SPEG: variants seen among roughly 807,000 people sequenced by gnomAD.
SPEG encodes the protein striated muscle preferentially expressed protein kinase.
SPEG carries 114 observed loss-of-function variants against 300.4 expected under a neutral mutation model. The ratio of observed to expected loss-of-function variants is 0.38; its 90% CI spans 0.33 to 0.44. The LOEUF (loss-of-function observed/expected upper bound fraction) is 0.44. Ranked by LOEUF, SPEG falls within the 20% of genes least tolerant of loss-of-function variation. The probability of loss-of-function intolerance (pLI) is 1.00; values close to 1 mark genes in which losing one functional copy is unlikely to be tolerated. For missense variants in SPEG, 4,201 were observed against 4,586.2 expected (o/e 0.92, Z 2.43); for synonymous variants, 1,964 against 2,018.9 (o/e 0.97, Z 0.73).
In SPEG at chr2:219,478,165, C is replaced by T. The variant is rs545177848; in HGVS notation, c.5027+60C>T. Reference sequence around the variant, plus strand: ...ATGCCTAAATGACTGGTCCTTGTAACATCCAATAGGCAACATGTTTTACAG... The same window carrying T: ...ATGCCTAAATGACTGGTCCTTGTAATATCCAATAGGCAACATGTTTTACAG... On this transcript the variant is annotated intron_variant, in intron 22 of 40. Transcript: ENST00000312358. 1,328 of 1,414,870 alleles carry T rather than the reference C, an allele frequency of 9.4e-4. 4 individuals carry two copies. The highest frequency in any genetic ancestry group is 1.2e-3 in the Non-Finnish European group (1,229 of 1,010,352). The allele number at this position is 1,414,870 out of a possible 1,614,324, so 87.6% of individuals were successfully genotyped here.
At position 219,477,274 on chromosome 2, in the gene SPEG, C is replaced by T; in HGVS notation, c.4561-3C>T. 6.2e-7 allele frequency: 1 copy of T among 1,607,776 alleles called. No homozygotes were observed. The highest frequency in any genetic ancestry group is 8.5e-7 in the Non-Finnish European group (1 of 1,178,224). ...AGGCTGAAGGTGAGACCCCACTCTGCAGGACGAGGTGCTGCTGACCGAGAG... is the reference window on the plus strand; with the variant it reads ...AGGCTGAAGGTGAGACCCCACTCTGTAGGACGAGGTGCTGCTGACCGAGAG... On this transcript the variant is annotated splice_polypyrimidine_tract_variant and splice_region_variant and intron_variant, in intron 19 of 40. Transcript: ENST00000312358. The surrounding 1 kb of genome is among the most constrained non-coding windows in gnomAD (Gnocchi z 6.4).
chr2:219,476,237 T>C (rs1462225779), intron 18 of SPEG, among the ~76,000 whole-genome samples: 1 of 13,322 alleles, frequency 7.5e-5, no homozygotes, highest in Admixed American at 9.3e-4. Flanking sequence ...TATTTGGGGG[T>C]TGTTTGTTCA....
chr2:219,441,333 A>G (rs2125216267), intron 1 of SPEG, among the ~76,000 whole-genome samples: 1 of 152,258 alleles, frequency 6.6e-6, no homozygotes, highest in East Asian at 1.9e-4. Flanking sequence ...GGGGCCGCGC[A>G]TGGGACAATC....
rs1331454128 is a variant in SPEG at position 219,487,406 on chromosome 2, G to A, written c.7742-788G>A. Among the ~76,000 whole-genome samples, 3 of 152,338 alleles carry A rather than the reference G, an allele frequency of 2.0e-5. No individual in the cohort carries two copies. The East Asian group carries it at 5.8e-4, about 29-fold the overall frequency. On this transcript the variant is annotated intron_variant, in intron 31 of 40. Transcript: ENST00000312358. ...CAAGAGAAGTTAGTATTTATGATCAGTTACTCTATGGCAGACACTTTACAT... is the reference window on the plus strand; with the variant it reads ...CAAGAGAAGTTAGTATTTATGATCAATTACTCTATGGCAGACACTTTACAT...
chr2:219,451,167 A>G lies in SPEG; in HGVS notation c.2145A>G (p.Gly715=). 1 of 1,613,630 alleles carries G rather than the reference A, an allele frequency of 6.2e-7. No individual in the cohort carries two copies. Among genetic ancestry groups the G allele is most frequent in the Non-Finnish European group, 8.5e-7 (1 of 1,179,856 alleles). ...ESSDDSYVSA[G]EEPLEAPVFE... is the part of the protein sequence containing the mutation. ...CGGATGACTCCTACGTGTCCGCTGGAGAAGAGCCCCTAGAGGCCCCTGTGT... is the reference window on the plus strand; with the variant it reads ...CGGATGACTCCTACGTGTCCGCTGGGGAAGAGCCCCTAGAGGCCCCTGTGT... The change falls in exon 5 of 41, where the codon GGA becomes GGG. Residue 715 remains glycine (G), a synonymous_variant. Coordinates refer to ENST00000312358, the MANE Select transcript of SPEG (RefSeq NM_005876.5). The surrounding 1 kb of genome is among the most constrained non-coding windows in gnomAD (Gnocchi z 6.4).
rs1250907501 is a variant in SPEG, at chr2:219,449,257, C to T, written c.2099C>T (p.Thr700Ile). The T allele has an allele frequency of 5.8e-6, 8 of 1,390,606 alleles. No homozygotes were observed. The allele number at this position is 1,390,606 out of a possible 1,614,324, so 86.1% of individuals were successfully genotyped here. A position where few individuals can be genotyped will look rare whatever the true frequency, so the allele number is the denominator to read the frequency against. Residue 700 changes from threonine to isoleucine, a missense_variant, in exon 4 of 41, where the codon ACC (threonine) becomes ATC (isoleucine). This residue lies in a region of SPEG where 1,258 missense variants were observed against 1,293.9 expected (regional missense o/e 0.97). Transcript: ENST00000312358. ...SQGKGRRARP[T>I]SPELESSDDS... ...GGCAAAGGTCGCCGGGCCCGGCCCA[C>T]CTCCCCTGAGCTCGGTAAGGCCTCA... is the stretch of plus-strand genomic sequence containing the variant.
At position 219,464,803 on chromosome 2, in the gene SPEG, G is replaced by A; in HGVS notation, c.2881+195G>A. ...GAAGTGACCTGCCCAAAGCTGCACA[G>A]CACATTGTTCCGTGCTCAGCTTACT... On this transcript the variant is annotated intron_variant, in intron 9 of 40. Transcript: ENST00000312358. This position sits in a 1 kb window ranked among gnomAD's most constrained non-coding sequence, Gnocchi z 4.5. 1 of 589,632 alleles carries A rather than the reference G, an allele frequency of 1.7e-6. No homozygotes were observed. Among genetic ancestry groups the A allele is most frequent in the Non-Finnish European group, 3.0e-6 (1 of 331,686 alleles). The allele number at this position is 589,632 out of a possible 1,614,324, so 36.5% of individuals were successfully genotyped here. A position where few individuals can be genotyped will look rare whatever the true frequency, so the allele number is the denominator to read the frequency against.
chr2:219,483,250 G>A lies in SPEG; in HGVS notation c.5787G>A (p.Leu1929=). The part of the protein sequence containing the change: ...SSSSDSEEEE[L]EELPSVPRPL... ...CCTCGGATTCTGAAGAGGAAGAGCT[G>A]GAAGAGCTGCCCTCAGTGCCCCGCC... is the stretch of plus-strand genomic sequence containing the variant. Residue 1929 remains leucine, a synonymous_variant, in exon 30 of 41, where the codon CTG becomes CTA. Transcript: ENST00000312358. 2.5e-6 allele frequency: 4 copies of A among 1,610,662 alleles called. No individual in the cohort carries two copies. Among genetic ancestry groups the A allele is most frequent in the Non-Finnish European group, 3.4e-6 (4 of 1,179,062 alleles).
At position 219,479,264 on chromosome 2, in the gene SPEG, A is replaced by T. The variant is rs1692616452; in HGVS notation, c.5085+63A>T. On this transcript the variant is annotated intron_variant, in intron 23 of 40. Coordinates refer to ENST00000312358, the MANE Select transcript of SPEG (RefSeq NM_005876.5). This position sits in a 1 kb window ranked among gnomAD's most constrained non-coding sequence, Gnocchi z 5.5. Reference sequence around the variant, plus strand: ...AGCCTTCACCCACCTGAGCTTTGAGAACCAACAAATGGGTCCTGAGTGTGC... The same window carrying T: ...AGCCTTCACCCACCTGAGCTTTGAGTACCAACAAATGGGTCCTGAGTGTGC... 6.9e-7 allele frequency: 1 copy of T among 1,451,628 alleles called. No homozygotes were observed. 89.9% of individuals were successfully genotyped at this position (1,451,628 alleles called of 1,614,324 possible).
rs1284439474 is a variant in SPEG, at chr2:219,445,728, G to A, written c.815+567G>A. The A allele has an allele frequency of 6.4e-6, 1 of 156,814 alleles. No individual in the cohort carries two copies. The highest frequency in any genetic ancestry group is 1.4e-5 in the Non-Finnish European group (1 of 70,812). The allele number at this position is 156,814 out of a possible 1,614,324, so 9.7% of individuals were successfully genotyped here. On this transcript the variant is annotated intron_variant, in intron 3 of 40. Coordinates refer to ENST00000312358, the MANE Select transcript of SPEG (RefSeq NM_005876.5). This position sits in a 1 kb window ranked among gnomAD's most constrained non-coding sequence, Gnocchi z 6.1. ...TGGGGCAAGGGGCCTGTGAAAGCAG[G>A]AGGCCATGGGCTGGGGGTGGCAGGG...
chr2:219,435,944 G>A (rs550350705), intron 1 of SPEG, among the ~76,000 whole-genome samples: 15 of 152,324 alleles, frequency 9.8e-5, no homozygotes, highest in Admixed American at 8.5e-4. Flanking sequence ...GGTGGAGCCC[G>A]AGCCAGGGCC....
chr2:219,488,555 G>T lies in SPEG; in HGVS notation c.7916G>T (p.Arg2639Leu). Residue 2639 changes from arginine (R) to leucine (L), a missense_variant, in exon 33 of 41, where the codon CGG becomes CTG. Physicochemically the swap from Arg to Leu is moderately radical, Grantham distance 102. Coordinates refer to ENST00000312358, the MANE Select transcript of SPEG (RefSeq NM_005876.5). Reference sequence around the variant, plus strand: ...ATCATCGTGTCCTGCAAAGATGGGCGGCAGCTGCTCAGCATCCCCCGGGCG... The same window carrying T: ...ATCATCGTGTCCTGCAAAGATGGGCTGCAGCTGCTCAGCATCCCCCGGGCG... ...SVIIVSCKDG[R>L]QLLSIPRAGK... 1 of 1,610,472 alleles carries T rather than the reference G, an allele frequency of 6.2e-7. No individual in the cohort carries two copies. Among genetic ancestry groups the T allele is most frequent in the Non-Finnish European group, 8.5e-7 (1 of 1,178,534 alleles).
At position 219,483,204 on chromosome 2, in the gene SPEG, C is replaced by A. The variant is rs747705195; in HGVS notation, c.5741C>A (p.Pro1914His). 1 of 1,610,116 alleles carries A rather than the reference C, an allele frequency of 6.2e-7. No individual in the cohort carries two copies. Among genetic ancestry groups the A allele is most frequent in the Non-Finnish European group, 8.5e-7 (1 of 1,178,984 alleles). The change falls in exon 30 of 41, where the codon CCC becomes CAC. Residue 1914 changes from proline (P) to histidine (H), a missense_variant. Coordinates refer to ENST00000312358, the MANE Select transcript of SPEG (RefSeq NM_005876.5). ...GTGACCATGCCCAGAAGGCCACCCCCCAGTGGGGGGCTCTCATCCTCCTCG... is the reference window on the plus strand; with the variant it reads ...GTGACCATGCCCAGAAGGCCACCCCACAGTGGGGGGCTCTCATCCTCCTCG... ...VWVTMPRRPP[P>H]SGGLSSSSDS...
rs972193726 is a variant in SPEG, at chr2:219,493,054, G to A, written c.*268G>A. On this transcript the variant is annotated 3_prime_UTR_variant, in exon 41 of 41. Coordinates refer to ENST00000312358, the MANE Select transcript of SPEG (RefSeq NM_005876.5). Reference sequence around the variant, plus strand: ...GGCAGAGGGACAAGAGGGGAATGGAGAAGTGGAGAGGAAAAGGAATCGAGG... The same window carrying A: ...GGCAGAGGGACAAGAGGGGAATGGAAAAGTGGAGAGGAAAAGGAATCGAGG... 7.3e-6 allele frequency: 5 copies of A among 684,880 alleles called. No individual in the cohort carries two copies. The highest frequency in any genetic ancestry group is 1.3e-5 in the Non-Finnish European group (5 of 374,064). The allele number at this position is 684,880 out of a possible 1,614,324, so 42.4% of individuals were successfully genotyped here. A position where few individuals can be genotyped will look rare whatever the true frequency, so the allele number is the denominator to read the frequency against.
chr2:219,483,798 C>G lies in SPEG; in HGVS notation c.6335C>G (p.Ala2112Gly). Residue 2112 changes from alanine to glycine, a missense_variant, in exon 30 of 41, where the codon GCA becomes GGA. By Grantham distance (60) the Ala-to-Gly change is moderately conservative. Around this residue, in one of 4 missense-constraint regions of SPEG, gnomAD observed 1,578 missense variants for 1,506.0 expected, o/e 1.05. Transcript: ENST00000312358. ...PRMARAASSE[A>G]APHHQPPLEN... is the part of the protein sequence containing the mutation. ...ATGGCACGAGCTGCCTCCAGCGAGG[C>G]AGCGCCCCACCACCAGCCCCCACTC... 6.4e-7 allele frequency: 1 copy of G among 1,569,190 alleles called. No individual in the cohort carries two copies. The highest frequency in any genetic ancestry group is 8.6e-7 in the Non-Finnish European group (1 of 1,164,834).
chr2:219,460,130 G>C (rs535189305), intron 6 of SPEG, among the ~76,000 whole-genome samples: 1 of 152,362 alleles, frequency 6.6e-6, no homozygotes, highest in Admixed American at 6.5e-5. Flanking sequence ...TTGCCAACAG[G>C]TGCCCTGGCG....
chr2:219,474,120 G>A (rs1401635779), intron 18 of SPEG: 8 of 514,436 alleles, frequency 1.6e-5, no homozygotes, highest in Non-Finnish European at 3.4e-6. Flanking sequence ...GCTCACACCT[G>A]TAATCTCAGC....
At position 219,434,927 on chromosome 2, in the gene SPEG, C is replaced by T. The variant is rs1475014906; in HGVS notation, c.-51C>T. 1.4e-6 allele frequency: 2 copies of T among 1,395,518 alleles called. No homozygotes were observed. The highest frequency in any genetic ancestry group is 2.8e-5 in the Admixed American group (1 of 35,942). The allele number at this position is 1,395,518 out of a possible 1,614,324, so 86.4% of individuals were successfully genotyped here. ...CTCCTAGGGCACCGTCCCGCGGGTG[C>T]CCCCGTGGCCGCCCAGTTCCGGCGT... is the stretch of plus-strand genomic sequence containing the variant. On this transcript the variant is annotated 5_prime_UTR_variant, in exon 1 of 41. Transcript: ENST00000312358.
chr2:219,476,230 T>G (rs757858683), intron 18 of SPEG, among the ~76,000 whole-genome samples: 10 of 73,878 alleles, frequency 1.4e-4, no homozygotes, highest in Non-Finnish European at 2.9e-4. Flanking sequence ...TGGTTAGTAT[T>G]TGGGGGTTGT....
Sources: gnomAD v4.1 joint callset for allele counts (sites outside exome capture counted in the v4.1 genomes callset) on GRCh38, gnomAD v4.1.1 for gene constraint, gnomAD v4.1.1 regional missense constraint, Gnocchi (gnomAD v3.1) non-coding constraint, MANE v1.5 for transcripts, NCBI Gene and HGNC (gene_info 2026-07-23, HGNC 2026-07-21) for gene names.